TRPC1: variants seen among roughly 807,000 people sequenced by gnomAD.
TRPC1 encodes short transient receptor potential channel 1.
Under a neutral mutation model 88.2 loss-of-function variants are expected in TRPC1, and 42 were observed. That is an observed-to-expected ratio of 0.48 (90% CI 0.37 to 0.62). The LOEUF (loss-of-function observed/expected upper bound fraction) is 0.62. Among genes scored for constraint, TRPC1 ranks in the 20% least tolerant of loss-of-function variants. The pLI is 0.00. For synonymous variants in TRPC1, 288 were observed against 331.8 expected, an observed-to-expected ratio of 0.87 and a Z score of 1.43; for missense variants, 699 against 957.3, an observed-to-expected ratio of 0.73 and a Z score of 3.56.
At chr3:142,741,339 T>C (rs1934338058) in intron 2 of TRPC1, among the ~76,000 whole-genome samples, 1 of 152,086 alleles carries the variant, frequency 6.6e-6, no homozygotes, top group Non-Finnish European at 1.5e-5. Flanking sequence ...CTGAAGCTTA[T>C]CCTTTTAAGC....
intron 2 of TRPC1, among the ~76,000 whole-genome samples, chr3:142,739,730 T>C (rs987440207): frequency 2.0e-5 from 3 of 152,154 alleles, no homozygotes; most frequent in Admixed American, 6.5e-5. Context: ...CTGAATTTAG[T>C]ATAGACTGGG....
At chr3:142,750,732 G>GTGAGTATTTTTATGGAATACTCA (rs1447734633) in intron 4 of TRPC1, among the ~76,000 whole-genome samples, 10 of 152,130 alleles carry the variant, frequency 6.6e-5, no homozygotes, top group Admixed American at 6.5e-4. Flanking sequence ...ATACTATGCA[G>GTGAGTATTTTTATGGAATACTCA]CCATAAAAAA....
rs970133848 is a variant in TRPC1 at position 142,800,453 on chromosome 3, T to A, written c.1582-1716T>A. On this transcript the variant is annotated intron_variant, in intron 9 of 12. Transcript: ENST00000476941. ...GGTCCACTTTAGTGGGCTGGAAGCATCTGGCCAGTTGCCTGTGGCTACCAT... is the reference window on the plus strand; with the variant it reads ...GGTCCACTTTAGTGGGCTGGAAGCAACTGGCCAGTTGCCTGTGGCTACCAT... 4.6e-5 allele frequency among the ~76,000 whole-genome samples: 7 copies of A among 152,276 alleles called. No homozygotes were observed. In the East Asian group the frequency reaches 1.3e-3, roughly 29 times the overall value.
chr3:142,740,092 G>T (rs186129140), intron 2 of TRPC1, among the ~76,000 whole-genome samples: 7 of 152,322 alleles, frequency 4.6e-5, no homozygotes, highest in Non-Finnish European at 7.4e-5. Flanking sequence ...AATGCCTGAT[G>T]ATCTGAGGTG....
chr3:142,731,445 C>A (rs1458184458), intron 1 of TRPC1, among the ~76,000 whole-genome samples: 2 of 128,918 alleles, frequency 1.6e-5, no homozygotes, highest in Non-Finnish European at 3.1e-5. Context: ...AGTGCAGTGG[C>A]GTGATCTCGG....
chr3:142,751,677 A>G (rs1265194856), intron 4 of TRPC1, among the ~76,000 whole-genome samples: 1 of 152,176 alleles, frequency 6.6e-6, no homozygotes, highest in Non-Finnish European at 1.5e-5. Context: ...CTGGTGACAA[A>G]CTATTTTTAG....
chr3:142,797,647 C>T (rs765225701), intron 9 of TRPC1, among the ~76,000 whole-genome samples: 2 of 152,094 alleles, frequency 1.3e-5, no homozygotes, highest in Non-Finnish European at 2.9e-5. Flanking sequence ...CCATCACTTA[C>T]TGTTTAGTGT....
At chr3:142,750,654 A>G (rs940794324) in intron 4 of TRPC1, among the ~76,000 whole-genome samples, 10 of 152,192 alleles carry the variant, frequency 6.6e-5, no homozygotes, top group Admixed American at 6.5e-4. Flanking sequence ...AGCACAGAGT[A>G]GGAACCAACC....
chr3:142,731,949 T>A (rs1933938726), intron 1 of TRPC1, among the ~76,000 whole-genome samples: 1 of 152,200 alleles, frequency 6.6e-6, no homozygotes, highest in Non-Finnish European at 1.5e-5. Flanking sequence ...TTTGTTTACA[T>A]ATGGTCTGTG....
intron 7 of TRPC1, among the ~76,000 whole-genome samples, chr3:142,789,578 G>C (rs1316671155): frequency 1.3e-5 from 2 of 152,142 alleles, no homozygotes; most frequent in African/African-American, 4.8e-5. Context: ...TGATAAGCCA[G>C]AGAATGATTC....
chr3:142,772,175 T>C (rs576185327), intron 4 of TRPC1, among the ~76,000 whole-genome samples: 2 of 152,282 alleles, frequency 1.3e-5, no homozygotes, highest in African/African-American at 4.8e-5. Flanking sequence ...GGAGTTTTTT[T>C]AGCTTCCTGG....
intron 4 of TRPC1, among the ~76,000 whole-genome samples, chr3:142,758,594 G>A (rs1259956799): frequency 1.3e-5 from 2 of 151,870 alleles, no homozygotes; most frequent in African/African-American, 2.4e-5. Context: ...CTATGAGTTG[G>A]CTCTTTTGTT....
Position 142,724,789 on chromosome 3 carries a change from C to CT in TRPC1, c.172+59dup. 1 of 1,442,070 alleles carries CT rather than the reference C, an allele frequency of 6.9e-7. No homozygotes were observed. The highest frequency in any genetic ancestry group is 9.2e-7 in the Non-Finnish European group (1 of 1,088,962). 89.3% of individuals were successfully genotyped at this position (1,442,070 alleles called of 1,614,324 possible). The stretch of plus-strand genomic sequence containing the variant: ...CCCTGTCCTCCAGACCTTTAGTCCT[C>CT]TCCCCCGCCTCAACTTATATCGGGG... On this transcript the variant is annotated intron_variant, in intron 1 of 12. Coordinates refer to ENST00000476941, the MANE Select transcript of TRPC1 (RefSeq NM_001251845.2). The surrounding 1 kb of genome is among the most constrained non-coding windows in gnomAD (Gnocchi z 5.6).
In TRPC1 at chr3:142,774,747, C is replaced by T. The variant is rs1335093042; in HGVS notation, c.633-2885C>T. Among the ~76,000 whole-genome samples the T allele has an allele frequency of 2.6e-5, 4 of 151,894 alleles. No individual in the cohort carries two copies. In the East Asian group the frequency reaches 7.7e-4, roughly 29 times the overall value. On this transcript the variant is annotated intron_variant, in intron 4 of 12. Coordinates refer to ENST00000476941, the MANE Select transcript of TRPC1 (RefSeq NM_001251845.2). ...TTTTGTGGAGGGGAATTACTGACCT[C>T]TTCATACTGTTATTATTTTAATGGT... is the stretch of plus-strand genomic sequence containing the variant.
At chr3:142,733,619 A>G (rs1339090509) in intron 1 of TRPC1, among the ~76,000 whole-genome samples, 2 of 152,168 alleles carry the variant, frequency 1.3e-5, no homozygotes, top group Non-Finnish European at 2.9e-5. Flanking sequence ...ATTTTTGTCT[A>G]TTTGCTATAC....
chr3:142,800,391 C>G (rs1936583111), intron 9 of TRPC1, among the ~76,000 whole-genome samples: 1 of 152,092 alleles, frequency 6.6e-6, no homozygotes, highest in African/African-American at 2.4e-5. Flanking sequence ...TGTGGCGTGC[C>G]TAAGAATTTA....
At chr3:142,800,841 T>G (rs1301347796) in intron 9 of TRPC1, among the ~76,000 whole-genome samples, 1 of 151,404 alleles carries the variant, frequency 6.6e-6, no homozygotes, top group Non-Finnish European at 1.5e-5. Context: ...TCACTTGAAC[T>G]TGGGAGGCGG....
intron 10 of TRPC1, among the ~76,000 whole-genome samples, chr3:142,803,006 A>G (rs1250964286): frequency 2.0e-5 from 3 of 152,230 alleles, no homozygotes; most frequent in African/African-American, 7.2e-5. Context: ...ACTATATACC[A>G]GCCAATGTTC....
chr3:142,730,527 A>G (rs9837730), intron 1 of TRPC1, among the ~76,000 whole-genome samples: 4,483 of 151,226 alleles, frequency 0.03, 236 homozygotes, highest in African/African-American at 0.1. Flanking sequence ...TTATAAATAC[A>G]TTGGGGTCTG....
Sources: allele counts gnomAD v4.1 joint callset (sites outside exome capture counted in the v4.1 genomes callset), GRCh38; gene constraint gnomAD v4.1.1; non-coding constraint Gnocchi (gnomAD v3.1); transcripts MANE v1.5; gene names NCBI Gene and HGNC (gene_info 2026-07-23, HGNC 2026-07-21).